Variants in DIXDC1 observed in about 807,000 individuals in gnomAD.
DIXDC1 encodes the protein dixin.
A neutral mutation model predicts 103.1 loss-of-function variants in DIXDC1; 64 were observed. The observed-to-expected ratio is 0.62, with a 90% CI of 0.51 to 0.76. The LOEUF (loss-of-function observed/expected upper bound fraction) is 0.76, where lower values mean the gene tolerates loss of function less well. DIXDC1 is among the 30% of genes least tolerant of loss of function. DIXDC1 has a pLI of 0.00. For missense variants in DIXDC1, 759 were observed against 834.2 expected (o/e 0.91, Z 1.11); for synonymous variants, 266 against 298.5 (o/e 0.89, Z 1.12).
upstream of DIXDC1, chr11:111,937,127 C>CGGGGGGGGGGGGGGGGG (rs200146124): frequency 4.0e-6 from 2 of 502,580 alleles, no homozygotes; most frequent in Admixed American, 1.5e-4. Context: ...TGCTGCGGCC[C>CGGGGGGGGGGGGGGGGG]GGGCGGGGGG....
Position 111,985,392 on chromosome 11 carries a change from C to T in DIXDC1, c.1008+71C>T. 6.0e-6 allele frequency: 7 copies of T among 1,174,924 alleles called. No homozygotes were observed. The South Asian group carries it at 8.4e-5, about 14-fold the overall frequency. 72.8% of individuals were successfully genotyped at this position (1,174,924 alleles called of 1,614,324 possible). On this transcript the variant is annotated intron_variant, in intron 8 of 19. Coordinates refer to ENST00000440460, the MANE Select transcript of DIXDC1 (RefSeq NM_001037954.4). ...TACTTGTATTTAGCATTTGACACTG[C>T]TGTTCATGCCTTCTTGAAATGCTGT...
intron 7 of DIXDC1, among the ~76,000 whole-genome samples, chr11:111,983,555 T>C (rs189270810): frequency 1.3e-5 from 2 of 152,296 alleles, no homozygotes; most frequent in African/African-American, 2.4e-5. Context: ...TAATGGAATG[T>C]TTTTGTGTGT....
At chr11:111,967,078 A>G (rs1859763435) in intron 2 of DIXDC1, among the ~76,000 whole-genome samples, 1 of 151,386 alleles carries the variant, frequency 6.6e-6, no homozygotes, top group Non-Finnish European at 1.5e-5. Flanking sequence ...TTGGCTTTTC[A>G]TTTCCTTCCT....
Position 111,974,103 on chromosome 11 carries a change from A to AC in DIXDC1, c.398dup (p.Val134GlyfsTer36). 6.2e-7 allele frequency: 1 copy of AC among 1,614,040 alleles called. No individual in the cohort carries two copies. Among genetic ancestry groups the AC allele is most frequent in the Non-Finnish European group, 8.5e-7 (1 of 1,179,904 alleles). On this transcript the variant is annotated frameshift_variant, in exon 4 of 20. Transcript: ENST00000440460. LOFTEE classifies it high-confidence loss of function. ...TCATTTCAAACCTGGCTCCAGCAGGACGGTGAACCAAGGACGGGACTCCAG... is the reference window on the plus strand; with the variant it reads ...TCATTTCAAACCTGGCTCCAGCAGGACCGGTGAACCAAGGACGGGACTCCAG...
intron 1 of DIXDC1, among the ~76,000 whole-genome samples, chr11:111,941,497 T>C (rs1401507858): frequency 6.6e-6 from 1 of 152,074 alleles, no homozygotes; most frequent in Non-Finnish European, 1.5e-5. Context: ...CACATTAAGA[T>C]TCATCCGCTT....
Position 111,974,229 on chromosome 11 carries a change from C to CG in DIXDC1, c.526dup (p.Asp176GlyfsTer6), listed in dbSNP as rs1566510566. 4.3e-6 allele frequency: 7 copies of CG among 1,613,546 alleles called. No homozygotes were observed. The African/African-American group carries it at 9.3e-5, about 22-fold the overall frequency. ...GTGTCATGACATGTCCCGATCAGGA[C>CG]GGGATGTCTTTCGATATAGACAGAG... On this transcript the variant is annotated frameshift_variant, in exon 4 of 20. Coordinates refer to ENST00000440460, the MANE Select transcript of DIXDC1 (RefSeq NM_001037954.4). LOFTEE classifies it high-confidence loss of function.
chr11:111,983,089 T>C (rs1158973952), intron 7 of DIXDC1, among the ~76,000 whole-genome samples: 1 of 152,214 alleles, frequency 6.6e-6, no homozygotes, highest in Non-Finnish European at 1.5e-5. Context: ...GTTCCCACCC[T>C]GAGTGACCCC....
chr11:111,963,445 C>T (rs190297228), intron 1 of DIXDC1, among the ~76,000 whole-genome samples: 70 of 152,262 alleles, frequency 4.6e-4, no homozygotes, highest in Non-Finnish European at 4.1e-4. Flanking sequence ...AAAATAATGA[C>T]GATTTAATTT....
At chr11:111,931,480 TA>T (rs1220532788) in intron 2 of DIXDC1, among the ~76,000 whole-genome samples, 2 of 151,866 alleles carry the variant, frequency 1.3e-5, no homozygotes, top group Non-Finnish European at 2.9e-5. Context: ...CCATCTTTAC[TA>T]AAAAAACAAA....
chr11:111,935,949 C>A (rs1412291120), upstream of DIXDC1, among the ~76,000 whole-genome samples: 2 of 152,128 alleles, frequency 1.3e-5, no homozygotes, highest in Non-Finnish European at 2.9e-5. Context: ...TTGTGTTTAG[C>A]AGCTTTAGAC....
At position 111,992,943 on chromosome 11, in the gene DIXDC1, T is replaced by C. The variant is rs368914331; in HGVS notation, c.1219-8T>C. On this transcript the variant is annotated splice_region_variant and splice_polypyrimidine_tract_variant and intron_variant, in intron 11 of 19. Coordinates refer to ENST00000440460, the MANE Select transcript of DIXDC1 (RefSeq NM_001037954.4). The stretch of plus-strand genomic sequence containing the variant: ...CTGCGTGCCATGAATTCTTTCTTAT[T>C]CTTGCAGGTGGATCTGCAGAGGAAG... 1.9e-6 allele frequency: 3 copies of C among 1,605,144 alleles called. No individual in the cohort carries two copies. Among genetic ancestry groups the C allele is most frequent in the Non-Finnish European group, 2.6e-6 (3 of 1,175,876 alleles).
chr11:111,990,600 C>T (rs1313150826), intron 10 of DIXDC1, among the ~76,000 whole-genome samples: 1 of 152,164 alleles, frequency 6.6e-6, no homozygotes, highest in African/African-American at 2.4e-5. Context: ...TTGTATTCCA[C>T]TGTATACATA....
chr11:111,931,084 C>T (rs868947978), intron 2 of DIXDC1, among the ~76,000 whole-genome samples: 4 of 151,798 alleles, frequency 2.6e-5, no homozygotes, highest in African/African-American at 9.7e-5. Flanking sequence ...GAACTCCTGA[C>T]CTCAAATGAT....
At chr11:112,002,901 C>T (rs1227451769) in intron 17 of DIXDC1, among the ~76,000 whole-genome samples, 2 of 152,160 alleles carry the variant, frequency 1.3e-5, no homozygotes, top group Non-Finnish European at 2.9e-5. Flanking sequence ...TATTATTATT[C>T]AGCTATAACG....
At chr11:111,955,510 C>T (rs1339928536) in intron 1 of DIXDC1, among the ~76,000 whole-genome samples, 1 of 151,866 alleles carries the variant, frequency 6.6e-6, no homozygotes, top group Non-Finnish European at 1.5e-5. Flanking sequence ...TTCAGCAGTT[C>T]CACTTCTGGG....
At position 112,021,173 on chromosome 11, in the gene DIXDC1, T is replaced by C. The variant is rs1861747578; in HGVS notation, c.*2137T>C. ...TCCAAAGTCCTCTACCTTATTTGGC[T>C]TTTATCTGTGTCTTTTGGAAAAGGA... On this transcript the variant is annotated 3_prime_UTR_variant, in exon 20 of 20. Transcript: ENST00000440460. 1 of 152,252 alleles carries C rather than the reference T, an allele frequency of 6.6e-6. No homozygotes were observed. The highest frequency in any genetic ancestry group is 2.4e-5 in the African/African-American group (1 of 41,458). The allele number at this position is 152,252 out of a possible 1,614,324, so 9.4% of individuals were successfully genotyped here.
chr11:111,980,622 A>G (rs587610217), intron 5 of DIXDC1, 115 bp from the exon 6 acceptor site: 2 of 723,252 alleles, frequency 2.8e-6, no homozygotes, highest in East Asian at 2.7e-5. Flanking sequence ...TGTGTTACCC[A>G]TGGAGGAGTA....
intron 17 of DIXDC1, among the ~76,000 whole-genome samples, chr11:112,003,401 C>T (rs1302128341): frequency 1.1e-4 from 17 of 151,932 alleles, no homozygotes; most frequent in East Asian, 5.8e-4. Context: ...GAGCTGAGAT[C>T]GCACCACTGC....
chr11:111,951,878 T>TC (rs1201436413), intron 1 of DIXDC1, among the ~76,000 whole-genome samples: 7 of 151,678 alleles, frequency 4.6e-5, no homozygotes, highest in Admixed American at 3.3e-4. Context: ...ACTTTTTTTT[T>TC]TTTTTGTGAT....
Sources: gnomAD v4.1 joint callset for allele counts (sites outside exome capture counted in the v4.1 genomes callset) on GRCh38, gnomAD v4.1.1 for gene constraint, MANE v1.5 for transcripts, NCBI Gene and HGNC (gene_info 2026-07-23, HGNC 2026-07-21) for gene names.